AFG2A: variants seen among roughly 807,000 people sequenced by gnomAD.
The protein encoded by AFG2A is ATPase family gene 2 protein homolog A.
the AFG2A span, among the ~76,000 whole-genome samples, chr4:123,028,676 T>A: frequency 1.3e-5 from 2 of 152,202 alleles, no homozygotes; most frequent in Non-Finnish European, 1.5e-5. Flanking sequence ...TAATCTTTTT[T>A]TTTGTTTGTT....
the AFG2A span, chr4:123,256,223 G>T: frequency 6.3e-7 from 1 of 1,598,340 alleles, no homozygotes; most frequent in South Asian, 1.1e-5. Context: ...GAGGAAAGCG[G>T]TGGCTCAGGG....
chr4:123,312,628 A>C, the AFG2A span, among the ~76,000 whole-genome samples: 2 of 152,220 alleles, frequency 1.3e-5, no homozygotes, highest in African/African-American at 2.4e-5. Flanking sequence ...ACATGTGATA[A>C]AGTGGTTTTA....
the AFG2A span, among the ~76,000 whole-genome samples, chr4:123,263,523 AC>A: frequency 1.3e-5 from 2 of 152,324 alleles, no homozygotes; most frequent in South Asian, 2.1e-4. Context: ...TTTAACATTT[AC>A]CTCATGAGCC....
At chr4:123,175,707 G>T in the AFG2A span, among the ~76,000 whole-genome samples, 2 of 152,236 alleles carry the variant, frequency 1.3e-5, no homozygotes, top group African/African-American at 4.8e-5. Context: ...TACTGTGGAA[G>T]TGTTTCTGGT....
At chr4:122,986,097 G>C in the AFG2A span, among the ~76,000 whole-genome samples, 1 of 151,948 alleles carries the variant, frequency 6.6e-6, no homozygotes. Context: ...GGTTCCTTTT[G>C]GAGTCGGTTT....
At chr4:123,221,447 G>T in the AFG2A span, among the ~76,000 whole-genome samples, 1 of 152,106 alleles carries the variant, frequency 6.6e-6, no homozygotes, top group Non-Finnish European at 1.5e-5. Flanking sequence ...ACAGGCGTGA[G>T]CCACTGCACC....
chr4:123,056,255 A>C, the AFG2A span: 1 of 744,574 alleles, frequency 1.3e-6, no homozygotes, highest in Non-Finnish European at 2.0e-6. Context: ...CAGAGAAAAT[A>C]AGCATGCTAA....
chr4:123,288,485 T>C, the AFG2A span, among the ~76,000 whole-genome samples: 1 of 152,194 alleles, frequency 6.6e-6, no homozygotes, highest in African/African-American at 2.4e-5. Flanking sequence ...TCAATGGTGA[T>C]AGCATGTTGA....
chr4:122,978,592 G>C, the AFG2A span, among the ~76,000 whole-genome samples: 1 of 152,204 alleles, frequency 6.6e-6, no homozygotes, highest in Non-Finnish European at 1.5e-5. Flanking sequence ...GGCTTCACCA[G>C]GGACTCACTC....
the AFG2A span, among the ~76,000 whole-genome samples, chr4:122,937,426 C>G: frequency 2.0e-4 from 31 of 151,952 alleles, no homozygotes; most frequent in African/African-American, 7.5e-4. Context: ...TGGGCTCAAG[C>G]CATTCTCCTG....
chr4:123,136,770 A>T, the AFG2A span, among the ~76,000 whole-genome samples: 1 of 151,130 alleles, frequency 6.6e-6, no homozygotes, highest in Non-Finnish European at 1.5e-5. Context: ...TGAACCCAGG[A>T]GGCAGAGGTT....
At chr4:123,251,673 A>T in the AFG2A span, among the ~76,000 whole-genome samples, 1 of 152,122 alleles carries the variant, frequency 6.6e-6, no homozygotes, top group Non-Finnish European at 1.5e-5. Flanking sequence ...TCAATTTTTT[A>T]AATATGTATT....
At chr4:122,999,837 C>G in the AFG2A span, among the ~76,000 whole-genome samples, 1 of 151,850 alleles carries the variant, frequency 6.6e-6, no homozygotes, top group Non-Finnish European at 1.5e-5. Context: ...TTCTCCAATT[C>G]TGTGAAGAAA....
the AFG2A span, among the ~76,000 whole-genome samples, chr4:123,102,449 C>G: frequency 6.6e-6 from 1 of 151,784 alleles, no homozygotes; most frequent in Admixed American, 6.6e-5. Flanking sequence ...AGCATATTTT[C>G]TTTTTTCACA....
chr4:123,088,666 G>A, the AFG2A span, among the ~76,000 whole-genome samples: 4 of 152,240 alleles, frequency 2.6e-5, no homozygotes, highest in African/African-American at 9.6e-5. Flanking sequence ...TAGTGAGTGA[G>A]TTCTCATGAG....
chr4:122,948,412 A>ACT, the AFG2A span, among the ~76,000 whole-genome samples: 1 of 151,292 alleles, frequency 6.6e-6, no homozygotes, highest in African/African-American at 2.4e-5. Context: ...ACACACACAC[A>ACT]CACACACACA....
chr4:123,200,033 G>C, the AFG2A span, among the ~76,000 whole-genome samples: 1 of 152,150 alleles, frequency 6.6e-6, no homozygotes, highest in Admixed American at 6.5e-5. Flanking sequence ...TTTGCAGAAC[G>C]TAGAACTACT....
chr4:123,084,475 A>G, the AFG2A span, among the ~76,000 whole-genome samples: 3 of 151,626 alleles, frequency 2.0e-5, no homozygotes, highest in Non-Finnish European at 2.9e-5. Context: ...ACAAATTTTG[A>G]TAAGTTCTAT....
At chr4:123,144,948 G>A in the AFG2A span, among the ~76,000 whole-genome samples, 1 of 151,996 alleles carries the variant, frequency 6.6e-6, no homozygotes, top group Admixed American at 6.6e-5. Flanking sequence ...ATTTTCCTAA[G>A]ACAATAATTT....
Sources: gnomAD v4.1 joint callset for allele counts (sites outside exome capture counted in the v4.1 genomes callset) on GRCh38, gnomAD v4.1.1 for gene constraint, MANE v1.5 for transcripts, NCBI Gene and HGNC (gene_info 2026-07-23, HGNC 2026-07-21) for gene names.